The following CCNJL variants were observed in gnomAD, a reference collection of about 807,000 sequenced individuals.
The protein encoded by CCNJL is cyclin J like, also known as cyclin-J-like protein.
A neutral mutation model predicts 33.4 loss-of-function variants in CCNJL; 33 were observed. The observed-to-expected ratio is 0.99, with a 90% CI of 0.75 to 1.32. The LOEUF is 1.32. Ranked by LOEUF, CCNJL falls within the 40% of genes most tolerant of loss-of-function variation. The pLI, the probability that CCNJL is intolerant of heterozygous loss-of-function variation, is 0.00. For synonymous variants in CCNJL, 227 were observed against 220.9 expected, an observed-to-expected ratio of 1.03 and a Z score of -0.24; for missense variants, 512 against 499.7, an observed-to-expected ratio of 1.02 and a Z score of -0.23.
chr5:160,296,980 A>G (rs1762767362), intron 2 of CCNJL, among the ~76,000 whole-genome samples: 1 of 152,194 alleles, frequency 6.6e-6, no homozygotes, highest in Non-Finnish European at 1.5e-5. Flanking sequence ...TGCATGTCCC[A>G]TCTGTAAAAT....
At chr5:160,271,159 C>A (rs974205269) in intron 3 of CCNJL, among the ~76,000 whole-genome samples, 3 of 152,186 alleles carry the variant, frequency 2.0e-5, no homozygotes, top group Non-Finnish European at 4.4e-5. Context: ...AATAGGCCAA[C>A]ATATCTCGTT....
intron 2 of CCNJL, among the ~76,000 whole-genome samples, chr5:160,306,979 G>C (rs974262943): frequency 1.3e-5 from 2 of 152,194 alleles, no homozygotes; most frequent in African/African-American, 2.4e-5. Flanking sequence ...AGGAAGCTGG[G>C]GTGGCATCCT....
At chr5:160,329,486 C>T (rs1448861828) in intron 1 of CCNJL, among the ~76,000 whole-genome samples, 1 of 151,698 alleles carries the variant, frequency 6.6e-6, no homozygotes, top group African/African-American at 2.4e-5. Context: ...GAGTAGCTGG[C>T]ACTACAGGCG....
At chr5:160,320,773 T>C (rs1763430366) in intron 1 of CCNJL, among the ~76,000 whole-genome samples, 1 of 149,090 alleles carries the variant, frequency 6.7e-6, no homozygotes, top group African/African-American at 2.6e-5. Context: ...TTTTCTTTCT[T>C]TCTTTTCTTT....
chr5:160,333,532 A>G (rs560019322), intron 1 of CCNJL, among the ~76,000 whole-genome samples: 2 of 151,634 alleles, frequency 1.3e-5, no homozygotes, highest in Non-Finnish European at 2.9e-5. Flanking sequence ...TCAAGGCTGC[A>G]GTCACCCATG....
chr5:160,306,405 T>A (rs1763099306), intron 2 of CCNJL, among the ~76,000 whole-genome samples: 1 of 151,840 alleles, frequency 6.6e-6, no homozygotes. Context: ...TGGAGCAGGA[T>A]GAGAAGACCC....
At chr5:160,305,048 T>C (rs1454542938) in intron 2 of CCNJL, among the ~76,000 whole-genome samples, 1 of 152,020 alleles carries the variant, frequency 6.6e-6, no homozygotes, top group Non-Finnish European at 1.5e-5. Flanking sequence ...TCTCTTGACC[T>C]CGTGAACCGC....
chr5:160,277,905 G>C (rs1255231290), intron 3 of CCNJL, among the ~76,000 whole-genome samples: 1 of 151,748 alleles, frequency 6.6e-6, no homozygotes, highest in East Asian at 1.9e-4. Context: ...ATCACGCCTG[G>C]CTAATTGCTT....
Position 160,251,508 on chromosome 5 carries a change from C to A in CCNJL, c.*1870G>T, listed in dbSNP as rs545746585. 2 of 152,342 alleles carry A rather than the reference C, an allele frequency of 1.3e-5. No homozygotes were observed. Among genetic ancestry groups the A allele is most frequent in the Non-Finnish European group, 2.9e-5 (2 of 68,060 alleles). 9.4% of individuals were successfully genotyped at this position (152,342 alleles called of 1,614,324 possible). On this transcript the variant is annotated 3_prime_UTR_variant, in exon 6 of 6. Transcript: ENST00000257536. Reference sequence around the variant, plus strand: ...TCTGTGTGCCCAGGGAGGCCCAGCTCCTACTCAGAGGGCAGGACTCAGCTC... The same window carrying A: ...TCTGTGTGCCCAGGGAGGCCCAGCTACTACTCAGAGGGCAGGACTCAGCTC...
chr5:160,316,562 A>T (rs796524228), upstream of CCNJL, among the ~76,000 whole-genome samples: 14 of 152,320 alleles, frequency 9.2e-5, no homozygotes, highest in East Asian at 2.1e-3. Flanking sequence ...AACATGGAAA[A>T]ATGTACACGT....
chr5:160,285,107 T>G (rs986308994), intron 2 of CCNJL, among the ~76,000 whole-genome samples: 2 of 152,096 alleles, frequency 1.3e-5, no homozygotes, highest in Non-Finnish European at 2.9e-5. Context: ...GGAGAATCAC[T>G]TGAACCTGGT....
At chr5:160,321,070 CTTT>C (rs1561812892) in intron 1 of CCNJL, among the ~76,000 whole-genome samples, 2,230 of 116,494 alleles carry the variant, frequency 0.019, 61 homozygotes, top group African/African-American at 0.033. Context: ...TTCTTTCTTT[CTTT>C]CTTTCTTTCT....
At chr5:160,272,841 A>T (rs1761884890) in intron 3 of CCNJL, among the ~76,000 whole-genome samples, 1 of 152,266 alleles carries the variant, frequency 6.6e-6, no homozygotes, top group Admixed American at 6.5e-5. Flanking sequence ...CTGGGAATTT[A>T]TCTTACAGAC....
At chr5:160,305,274 C>T (rs1036351391) in intron 2 of CCNJL, among the ~76,000 whole-genome samples, 2 of 152,208 alleles carry the variant, frequency 1.3e-5, no homozygotes, top group East Asian at 1.9e-4. Flanking sequence ...AGTTTTGACA[C>T]AGGGGCTGAG....
Position 160,289,603 on chromosome 5 carries a change from G to T in CCNJL, c.67-8865C>A, listed in dbSNP as rs142631334. 7.6e-4 allele frequency among the ~76,000 whole-genome samples: 115 copies of T among 152,118 alleles called. No individual in the cohort carries two copies. In the Middle Eastern group the frequency reaches 0.01, roughly 13 times the overall value. ...AAACCACTCTCCTTGCTGCCCAAGA[G>T]TTTTGCCTGGGGGTTCTCAAGCAGA... On this transcript the variant is annotated intron_variant, in intron 2 of 5. Transcript: ENST00000257536.
rs377266155 is a variant in CCNJL, at chr5:160,310,615, T to C, written c.66+1243A>G. Among the ~76,000 whole-genome samples the C allele has an allele frequency of 6.6e-5, 10 of 152,306 alleles. No homozygotes were observed. The South Asian group carries it at 1.7e-3, about 25-fold the overall frequency. Reference sequence around the variant, plus strand: ...TTGGGCGCAGTAGTGTCCCCCCAAATGTCATGTTAATCTGGAACTTCAGAA... The same window carrying C: ...TTGGGCGCAGTAGTGTCCCCCCAAACGTCATGTTAATCTGGAACTTCAGAA... On this transcript the variant is annotated intron_variant, in intron 2 of 5. Coordinates refer to ENST00000257536, the MANE Select transcript of CCNJL (RefSeq NM_001308173.3).
chr5:160,280,468 C>A (rs146670939), intron 3 of CCNJL, 57 bp downstream of exon 3: 1 of 1,340,742 alleles, frequency 7.5e-7, no homozygotes, highest in Non-Finnish European at 1.1e-6. Flanking sequence ...AGCAGCCAGG[C>A]GCACTGAGCG....
At chr5:160,284,730 T>G (rs1284340516) in intron 2 of CCNJL, among the ~76,000 whole-genome samples, 3 of 152,228 alleles carry the variant, frequency 2.0e-5, no homozygotes, top group African/African-American at 7.2e-5. Context: ...CATGGAAGGC[T>G]CTCAAAGCCT....
intron 3 of CCNJL, among the ~76,000 whole-genome samples, chr5:160,275,085 G>GT (rs1554119622): frequency 0.02 from 2,234 of 113,024 alleles, 24 homozygotes; most frequent in African/African-American, 0.049. Context: ...GGATTTGTGT[G>GT]TTTTTTTTTT....
Sources: gnomAD v4.1 joint callset for allele counts (sites outside exome capture counted in the v4.1 genomes callset) on GRCh38, gnomAD v4.1.1 for gene constraint, MANE v1.5 for transcripts, NCBI Gene and HGNC (gene_info 2026-07-23, HGNC 2026-07-21) for gene names.